The following PRSS23 variants were observed in gnomAD, a reference collection of about 807,000 sequenced individuals.
PRSS23 encodes serine protease 23.
Under a neutral mutation model 34.7 loss-of-function variants are expected in PRSS23, and 25 were observed. That is an observed-to-expected ratio of 0.72 (90% confidence interval 0.53 to 1.01). PRSS23 has a LOEUF of 1.01. PRSS23 is among the 50% of genes least tolerant of loss of function. The pLI is 0.00. For synonymous variants in PRSS23, 176 were observed against 186.6 expected, an observed-to-expected ratio of 0.94 and a Z score of 0.46; for missense variants, 445 against 475.6, an observed-to-expected ratio of 0.94 and a Z score of 0.60.
intron 2 of PRSS23, among the ~76,000 whole-genome samples, chr11:86,875,169 A>AC (rs1460421284): frequency 6.6e-6 from 1 of 152,094 alleles, no homozygotes; most frequent in Admixed American, 6.6e-5. Context: ...GGGGATCTAG[A>AC]CCCCACCTTA....
intron 2 of PRSS23, among the ~76,000 whole-genome samples, chr11:86,879,432 A>G (rs1590909458): frequency 2.0e-5 from 3 of 147,614 alleles, no homozygotes; most frequent in African/African-American, 5.1e-5. Context: ...CCTGGCAGCC[A>G]CCCCATCCGG....
chr11:86,917,081 A>G (rs1257881288), intron 2 of PRSS23, among the ~76,000 whole-genome samples: 1 of 152,212 alleles, frequency 6.6e-6, no homozygotes, highest in Non-Finnish European at 1.5e-5. Flanking sequence ...GCACTTTGGG[A>G]GGCCAAGGCG....
At chr11:86,924,184 T>C (rs1211876063) in intron 2 of PRSS23, among the ~76,000 whole-genome samples, 1 of 152,096 alleles carries the variant, frequency 6.6e-6, no homozygotes, top group Admixed American at 6.5e-5. Context: ...GAGTGAAACA[T>C]TGACCAGTTC....
intron 2 of PRSS23, among the ~76,000 whole-genome samples, chr11:86,839,064 A>G (rs1948428147): frequency 6.6e-6 from 1 of 151,564 alleles, no homozygotes; most frequent in South Asian, 2.1e-4. Context: ...ATTAAAAAAA[A>G]AAAACAACAG....
intron 2 of PRSS23, among the ~76,000 whole-genome samples, chr11:86,916,918 C>G (rs1949016704): frequency 6.6e-6 from 1 of 152,234 alleles, no homozygotes; most frequent in Non-Finnish European, 1.5e-5. Context: ...TTATACCTTT[C>G]TGTATCCGTA....
intron 2 of PRSS23, among the ~76,000 whole-genome samples, chr11:86,885,102 A>G (rs773544796): frequency 5.9e-5 from 9 of 152,224 alleles, no homozygotes; most frequent in Admixed American, 2.0e-4. Context: ...GTGCTACAGT[A>G]AAGTTTGGCC....
chr11:86,906,161 G>T (rs1044305587), intron 2 of PRSS23, among the ~76,000 whole-genome samples: 2 of 152,196 alleles, frequency 1.3e-5, no homozygotes, highest in Non-Finnish European at 2.9e-5. Context: ...GGGCCGGGGG[G>T]CGGGGGCAAG....
At chr11:86,941,429 C>CGGT (rs1290440328) in intron 2 of PRSS23, among the ~76,000 whole-genome samples, 1 of 152,188 alleles carries the variant, frequency 6.6e-6, no homozygotes, top group Admixed American at 6.5e-5. Context: ...GTGTCCCCTA[C>CGGT]GGTGCCTTCC....
At chr11:86,916,461 C>G (rs562713091) in intron 2 of PRSS23, among the ~76,000 whole-genome samples, 8 of 152,306 alleles carry the variant, frequency 5.3e-5, no homozygotes, top group Non-Finnish European at 2.9e-5. Context: ...ATCTGTGGAC[C>G]TAGAGGAATT....
At chr11:86,930,083 T>C (rs560448418) in intron 2 of PRSS23, among the ~76,000 whole-genome samples, 1 of 152,110 alleles carries the variant, frequency 6.6e-6, no homozygotes, top group South Asian at 2.1e-4. Context: ...GTTATAGTGG[T>C]ATAGTATGTG....
intron 2 of PRSS23, among the ~76,000 whole-genome samples, chr11:86,879,962 A>G (rs1948761570): frequency 6.6e-6 from 1 of 151,990 alleles, no homozygotes; most frequent in Non-Finnish European, 1.5e-5. Flanking sequence ...CAGCTCATTG[A>G]GAACGGGCCA....
At chr11:86,923,261 C>A (rs1195685078) in intron 2 of PRSS23, among the ~76,000 whole-genome samples, 1 of 151,662 alleles carries the variant, frequency 6.6e-6, no homozygotes, top group Non-Finnish European at 1.5e-5. Context: ...AAAACTGGAA[C>A]TACAAGCACA....
chr11:86,883,097 A>T (rs1948781801), intron 2 of PRSS23, among the ~76,000 whole-genome samples: 1 of 152,132 alleles, frequency 6.6e-6, no homozygotes, highest in African/African-American at 2.4e-5. Flanking sequence ...TAGATGCTGG[A>T]TATTAGACCT....
At chr11:86,820,751 G>C (rs528054131) in intron 1 of PRSS23, among the ~76,000 whole-genome samples, 1 of 152,226 alleles carries the variant, frequency 6.6e-6, no homozygotes, top group East Asian at 1.9e-4. Flanking sequence ...GTGAAACAAA[G>C]AAAAACATTT....
At chr11:86,856,055 A>G (rs1452060632) in intron 2 of PRSS23, among the ~76,000 whole-genome samples, 1 of 152,192 alleles carries the variant, frequency 6.6e-6, no homozygotes, top group Admixed American at 6.5e-5. Context: ...TACTGTGACC[A>G]TTTTATTCTT....
intron 2 of PRSS23, among the ~76,000 whole-genome samples, chr11:86,892,972 ATAGGGTC>A (rs1948851350): frequency 6.6e-6 from 1 of 152,186 alleles, no homozygotes; most frequent in Non-Finnish European, 1.5e-5. Context: ...TTATCTGGAA[ATAGGGTC>A]TTTGCAGATA....
chr11:86,920,178 C>T (rs1033837821), intron 2 of PRSS23, among the ~76,000 whole-genome samples: 20 of 152,154 alleles, frequency 1.3e-4, no homozygotes, highest in Non-Finnish European at 1.2e-4. Flanking sequence ...AGCACTCCTA[C>T]GAATTTGTAA....
At chr11:86,894,964 C>T (rs1271599138) in intron 2 of PRSS23, among the ~76,000 whole-genome samples, 2 of 152,158 alleles carry the variant, frequency 1.3e-5, no homozygotes, top group African/African-American at 4.8e-5. Context: ...GAGCTGTCTT[C>T]AGGACAAAGC....
intron 2 of PRSS23, among the ~76,000 whole-genome samples, chr11:86,842,718 T>C (rs193016668): frequency 6.6e-6 from 1 of 152,216 alleles, no homozygotes; most frequent in East Asian, 1.9e-4. Flanking sequence ...TTACAAGGGA[T>C]GTGAAGGACC....
Sources: allele counts gnomAD v4.1 joint callset (sites outside exome capture counted in the v4.1 genomes callset), GRCh38; gene constraint gnomAD v4.1.1; transcripts MANE v1.5; gene names NCBI Gene and HGNC (gene_info 2026-07-23, HGNC 2026-07-21).